The following SCN1A variants were observed in gnomAD, a reference collection of about 807,000 sequenced individuals.
SCN1A encodes sodium voltage-gated channel alpha subunit 1.
SCN1A carries 13 observed loss-of-function variants against 193.7 expected under a neutral mutation model. The ratio of observed to expected loss-of-function variants is 0.07; its 90% CI spans 0.04 to 0.11. SCN1A has a LOEUF of 0.11. SCN1A is among the 10% of genes least tolerant of loss of function. The pLI is 1.00. For synonymous variants in SCN1A, 781 were observed against 843.6 expected (o/e 0.93, Z 1.29); for missense variants, 1,432 against 2,451.1 (o/e 0.58, Z 8.78).
At chr2:166,011,984 T>C (rs1299280523) in intron 22 of SCN1A, 125 bp downstream of exon 22, 1 of 806,976 alleles carries the variant, frequency 1.2e-6, no homozygotes, top group East Asian at 2.6e-5. Flanking sequence ...TCATTGCATA[T>C]ATGCGTTTAG....
At chr2:166,032,245 A>ATGCTCCTCAACTTACGATGGAGCT (rs1695739883) in intron 19 of SCN1A, among the ~76,000 whole-genome samples, 1 of 16,022 alleles carries the variant, frequency 6.2e-5, no homozygotes, top group Non-Finnish European at 1.1e-4. Flanking sequence ...AGAGACAGAG[A>ATGCTCCTCAACTTACGATGGAGCT]GAGAAAATCA....
Position 165,994,524 on chromosome 2 carries a change from T to C in SCN1A, c.4582-108A>G, listed in dbSNP as rs192654240. On this transcript the variant is annotated intron_variant, in intron 27 of 28. Transcript: ENST00000674923. ...TTTCTAGTTTCTTGCAAAGTAGTCA[T>C]TGGCCCTGATTTTTGTAAGAATGAT... 6.6e-5 allele frequency: 63 copies of C among 961,298 alleles called. 1 individual carries two copies. The East Asian group carries it at 1.4e-3, about 21-fold the overall frequency. 59.5% of individuals were successfully genotyped at this position (961,298 alleles called of 1,614,324 possible).
chr2:166,134,255 C>T (rs532763108), intron 1 of SCN1A, among the ~76,000 whole-genome samples: 2 of 152,194 alleles, frequency 1.3e-5, no homozygotes, highest in Admixed American at 6.5e-5. Context: ...GTGACTTGTC[C>T]AAGGTCACAT....
intron 6 of SCN1A, among the ~76,000 whole-genome samples, chr2:166,055,977 T>C (rs1699088707): frequency 6.6e-6 from 1 of 152,040 alleles, no homozygotes; most frequent in South Asian, 2.1e-4. Context: ...TGACATGAAG[T>C]GAATGTGCCT....
chr2:166,077,543 C>T (rs771424242), intron 3 of SCN1A, among the ~76,000 whole-genome samples, 167 bp downstream of exon 3: 4 of 151,796 alleles, frequency 2.6e-5, no homozygotes, highest in South Asian at 2.1e-4. Flanking sequence ...TTAGAATGGT[C>T]GAAGTCCAGA....
At chr2:166,045,936 C>G (rs1330214854) in intron 12 of SCN1A, among the ~76,000 whole-genome samples, 2 of 152,172 alleles carry the variant, frequency 1.3e-5, no homozygotes. Flanking sequence ...CTGTCCCCAC[C>G]ATCTTCAAAT....
rs1206068626 is a variant in SCN1A, at chr2:166,015,593, A to G, written c.3550+14T>C. 1 of 1,612,144 alleles carries G rather than the reference A, an allele frequency of 6.2e-7. No individual in the cohort carries two copies. The highest frequency in any genetic ancestry group is 1.3e-5 in the African/African-American group (1 of 74,848). On this transcript the variant is annotated intron_variant, in intron 20 of 28. Transcript: ENST00000674923. ...CTCCAAATGAAAGATTAACATTAGG[A>G]TTCTTTTCTTTACCTTCAGTGAAAC...
At chr2:166,113,694 A>G (rs1009187685) in intron 2 of SCN1A, among the ~76,000 whole-genome samples, 10 of 152,280 alleles carry the variant, frequency 6.6e-5, no homozygotes, top group Middle Eastern at 3.4e-3. Flanking sequence ...CTACACTTTA[A>G]GATAAAACAC....
At position 166,013,660 on chromosome 2, in the gene SCN1A, C is replaced by A. The variant is rs1268906082; in HGVS notation, c.3705+84G>T. The A allele has an allele frequency of 2.4e-6, 3 of 1,249,654 alleles. No homozygotes were observed. The African/African-American group carries it at 4.5e-5, about 19-fold the overall frequency. 77.4% of individuals were successfully genotyped at this position (1,249,654 alleles called of 1,614,324 possible). On this transcript the variant is annotated intron_variant, in intron 21 of 28. Transcript: ENST00000674923. ...ATTAAAAATGCATTGGATACTAAGA[C>A]AATGAAACAAAGGATTAATAAGTCA...
chr2:166,125,221 A>G lies in SCN1A; in HGVS notation c.-142+1703T>C, dbSNP rs180706258. ...AGCCCCATTGACCCTGAGGGTGACT[A>G]TACAGGACCTTCAATTGCTGATTCT... is the stretch of plus-strand genomic sequence containing the variant. On this transcript the variant is annotated intron_variant, in intron 2 of 28. Coordinates refer to ENST00000674923, the MANE Select transcript of SCN1A (RefSeq NM_001165963.4). 4.6e-5 allele frequency among the ~76,000 whole-genome samples: 7 copies of G among 152,334 alleles called. No individual in the cohort carries two copies. In the East Asian group the frequency reaches 1.2e-3, roughly 25 times the overall value.
At chr2:166,037,496 T>C (rs754463632) in intron 18 of SCN1A, among the ~76,000 whole-genome samples, 12 of 152,192 alleles carry the variant, frequency 7.9e-5, no homozygotes, top group Non-Finnish European at 1.3e-4. Context: ...AAAAATGTGA[T>C]AAAGTGACTG....
intron 17 of SCN1A, 51 bp from the exon 18 acceptor site, chr2:166,038,183 A>G: frequency 2.2e-6 from 3 of 1,363,966 alleles, no homozygotes; most frequent in Non-Finnish European, 3.0e-6. Context: ...AAAGCATTAT[A>G]TATATTGAGC....
chr2:166,047,490 A>G (rs1251983869), intron 11 of SCN1A, 137 bp downstream of exon 11: 5 of 960,954 alleles, frequency 5.2e-6, no homozygotes, highest in Admixed American at 1.8e-5. Flanking sequence ...TGTTATAATC[A>G]ATAGGATAGA....
At chr2:165,995,432 T>C (rs980549907) in intron 27 of SCN1A, among the ~76,000 whole-genome samples, 2 of 151,872 alleles carry the variant, frequency 1.3e-5, no homozygotes, top group Non-Finnish European at 1.5e-5. Context: ...ATGAGTATTG[T>C]TATTTATCAT....
intron 19 of SCN1A, 127 bp downstream of exon 19, chr2:166,035,921 T>C (rs1346890409): frequency 2.2e-6 from 2 of 913,624 alleles, no homozygotes; most frequent in Non-Finnish European, 3.2e-6. Flanking sequence ...ATTGCTTTTG[T>C]ATTATCATAA....
chr2:166,048,382 G>A (rs935684607), intron 10 of SCN1A, among the ~76,000 whole-genome samples: 3 of 152,034 alleles, frequency 2.0e-5, no homozygotes, highest in African/African-American at 7.2e-5. Flanking sequence ...AGGCCCTAGT[G>A]TGTGTTGTTC....
chr2:166,050,943 A>G (rs1698488414), intron 9 of SCN1A, among the ~76,000 whole-genome samples: 1 of 151,884 alleles, frequency 6.6e-6, no homozygotes, highest in African/African-American at 2.4e-5. Flanking sequence ...GAAGCCATGC[A>G]TTACCTCCAT....
At chr2:166,094,047 TCACACACA>T (rs36025454) in intron 2 of SCN1A, among the ~76,000 whole-genome samples, 20 of 151,176 alleles carry the variant, frequency 1.3e-4, no homozygotes, top group African/African-American at 4.6e-4. Context: ...GTCAAATCTT[TCACACACA>T]CACACACACA....
At chr2:166,044,358 T>C (rs981870105) in intron 13 of SCN1A, among the ~76,000 whole-genome samples, 6 of 152,094 alleles carry the variant, frequency 3.9e-5, no homozygotes, top group African/African-American at 1.4e-4. Context: ...GGAAACATCC[T>C]TAGAATATGG....
Sources: gnomAD v4.1 joint callset for allele counts (sites outside exome capture counted in the v4.1 genomes callset) on GRCh38, gnomAD v4.1.1 for gene constraint, MANE v1.5 for transcripts, NCBI Gene and HGNC (gene_info 2026-07-23, HGNC 2026-07-21) for gene names.